Variants in CREM observed in about 807,000 individuals in gnomAD.
The protein encoded by CREM is cAMP-responsive element modulator.
In CREM, 13 loss-of-function variants were observed where a neutral mutation model predicts 37.3. The observed-to-expected ratio is 0.35, with a 90% CI of 0.23 to 0.55. The LOEUF (loss-of-function observed/expected upper bound fraction) is 0.55, where lower values mean the gene tolerates loss of function less well. Among genes scored for constraint, CREM ranks in the 20% least tolerant of loss-of-function variants. The pLI, the probability that CREM is intolerant of heterozygous loss-of-function variation, is 0.88. For synonymous variants in CREM, 124 were observed against 120.2 expected (o/e 1.03, Z -0.21); for missense variants, 296 against 362.3 (o/e 0.82, Z 1.49).
intron 2 of CREM, among the ~76,000 whole-genome samples, chr10:35,143,965 A>G (rs1271384599): frequency 6.6e-6 from 1 of 152,156 alleles, no homozygotes; most frequent in African/African-American, 2.4e-5. Context: ...AGGAAGCACT[A>G]GTTATGAGAG....
chr10:35,151,503 G>C (rs986285390), intron 3 of CREM, among the ~76,000 whole-genome samples: 2 of 152,184 alleles, frequency 1.3e-5, no homozygotes, highest in Non-Finnish European at 2.9e-5. Flanking sequence ...AGCCTCCCGA[G>C]TAGCTGGGAT....
At chr10:35,144,134 C>T (rs1446607060) in intron 2 of CREM, among the ~76,000 whole-genome samples, 1 of 152,168 alleles carries the variant, frequency 6.6e-6, no homozygotes, top group African/African-American at 2.4e-5. Context: ...GGAACAGCAG[C>T]TCAACTGCTT....
intron 5 of CREM, among the ~76,000 whole-genome samples, chr10:35,182,270 A>G (rs1464815164): frequency 2.6e-5 from 4 of 152,194 alleles, no homozygotes. Context: ...TTGTAGCAGA[A>G]TGTCTAGAAA....
chr10:35,139,320 A>G (rs1017973163), intron 2 of CREM, among the ~76,000 whole-genome samples: 2 of 152,074 alleles, frequency 1.3e-5, no homozygotes, highest in African/African-American at 4.8e-5. Context: ...GAGTTTCACC[A>G]TATTGACCAA....
intron 5 of CREM, among the ~76,000 whole-genome samples, chr10:35,187,340 A>G (rs865779738): frequency 8.4e-5 from 12 of 143,322 alleles, no homozygotes; most frequent in South Asian, 2.1e-4. Context: ...GCTCACTGCA[A>G]CCTCCAACTC....
At chr10:35,145,776 C>CAAAAAAAAAAAAA (rs370248344) in intron 2 of CREM, among the ~76,000 whole-genome samples, 1 of 85,236 alleles carries the variant, frequency 1.2e-5, no homozygotes, top group Non-Finnish European at 2.0e-5. Flanking sequence ...GACTCTGCCT[C>CAAAAAAAAAAAAA]AAAAAAAAAA....
chr10:35,156,426 T>G (rs902539421), intron 3 of CREM, among the ~76,000 whole-genome samples: 1 of 152,072 alleles, frequency 6.6e-6, no homozygotes, highest in African/African-American at 2.4e-5. Context: ...ACTTGTAAGT[T>G]TTTTGTAGAG....
intron 5 of CREM, among the ~76,000 whole-genome samples, chr10:35,186,939 A>ATATATAT (rs2094587830): frequency 1.0e-5 from 1 of 99,822 alleles, no homozygotes; most frequent in Non-Finnish European, 1.8e-5. Context: ...ATATAAATAC[A>ATATATAT]ATATAAATTA....
At chr10:35,208,559 A>G (rs2095591037) in intron 7 of CREM, among the ~76,000 whole-genome samples, 1 of 152,224 alleles carries the variant, frequency 6.6e-6, no homozygotes, top group Admixed American at 6.5e-5. Flanking sequence ...GTGTGCAGCC[A>G]GGACAGAGAT....
At chr10:35,192,368 A>G (rs1002179860) in intron 6 of CREM, among the ~76,000 whole-genome samples, 2 of 152,078 alleles carry the variant, frequency 1.3e-5, no homozygotes, top group Admixed American at 1.3e-4. Flanking sequence ...TTTTGTTTTG[A>G]GACAGAGTCT....
intron 3 of CREM, chr10:35,158,725 T>G (rs779122115): frequency 6.6e-6 from 1 of 152,290 alleles, no homozygotes; most frequent in Non-Finnish European, 1.5e-5. Flanking sequence ...CAAGTTATAT[T>G]CTTAAGGCAT....
At chr10:35,132,039 A>G (rs2089489425) in intron 1 of CREM, among the ~76,000 whole-genome samples, 1 of 152,092 alleles carries the variant, frequency 6.6e-6, no homozygotes, top group Non-Finnish European at 1.5e-5. Context: ...CGTCTCTACT[A>G]AAAATACAAA....
At position 35,170,521 on chromosome 10, in the gene CREM, A is replaced by G. The variant is rs553798980; in HGVS notation, c.169-8368A>G. On this transcript the variant is annotated intron_variant, in intron 3 of 7. Coordinates refer to ENST00000685392, the MANE Select transcript of CREM (RefSeq NM_183011.2). ...TCTGGTAGAATTCGGCTGTGAATCC[A>G]TCTGGTCCTGGACTTTTTTTGGTTG... Among the ~76,000 whole-genome samples, 21 of 152,266 alleles carry G rather than the reference A, an allele frequency of 1.4e-4. No homozygotes were observed. In the South Asian group the frequency reaches 4.4e-3, roughly 32 times the overall value.
chr10:35,199,887 C>CCT (rs2095332492), intron 6 of CREM, among the ~76,000 whole-genome samples: 1 of 121,370 alleles, frequency 8.2e-6, no homozygotes, highest in Non-Finnish European at 1.6e-5. Context: ...GTTAAAATGG[C>CCT]TTTTTTTTTT....
At chr10:35,140,262 G>A (rs2091238790) in intron 2 of CREM, among the ~76,000 whole-genome samples, 1 of 152,168 alleles carries the variant, frequency 6.6e-6, no homozygotes, top group South Asian at 2.1e-4. Context: ...TGGTATGAAA[G>A]AGAAAGCATA....
chr10:35,134,311 G>C (rs2090050881), intron 1 of CREM, among the ~76,000 whole-genome samples: 1 of 152,138 alleles, frequency 6.6e-6, no homozygotes, highest in African/African-American at 2.4e-5. Flanking sequence ...CTGCCTCTTG[G>C]GTTCAAGCAG....
intron 3 of CREM, chr10:35,175,840 A>C (rs2094036787): frequency 6.3e-7 from 1 of 1,594,492 alleles, no homozygotes; most frequent in African/African-American, 1.4e-5. Flanking sequence ...CTCAATGGTG[A>C]TCATTTTGGC....
Position 35,207,025 on chromosome 10 carries a change from A to G in CREM, c.729A>G (p.Lys243=). Reference sequence around the variant, plus strand: ...AGCTGGCAGAAGAAGCAACACGCAAACGAGAGCTGAGGCTAATGAAAAACA... The same window carrying G: ...AGCTGGCAGAAGAAGCAACACGCAAGCGAGAGCTGAGGCTAATGAAAAACA... The part of the protein sequence containing the change: ...PQQLAEEATR[K]RELRLMKNRE... The change falls in exon 7 of 8, where the codon AAA becomes AAG. Residue 243 remains lysine, a synonymous_variant. Transcript: ENST00000685392. The G allele has an allele frequency of 6.2e-7, 1 of 1,613,898 alleles. No homozygotes were observed. The highest frequency in any genetic ancestry group is 8.5e-7 in the Non-Finnish European group (1 of 1,179,892).
At chr10:35,186,626 AAT>A (rs1429455845) in intron 5 of CREM, among the ~76,000 whole-genome samples, 2 of 144,538 alleles carry the variant, frequency 1.4e-5, no homozygotes, top group Non-Finnish European at 3.0e-5. Flanking sequence ...ATAAATATAT[AAT>A]ATATGTAAAT....
Sources: allele counts gnomAD v4.1 joint callset (sites outside exome capture counted in the v4.1 genomes callset), GRCh38; gene constraint gnomAD v4.1.1; transcripts MANE v1.5; gene names NCBI Gene and HGNC (gene_info 2026-07-23, HGNC 2026-07-21).